The following CCDC171 variants were observed in gnomAD, a reference collection of about 807,000 sequenced individuals.
CCDC171 encodes the protein coiled-coil domain-containing protein 171.
Under a neutral mutation model 168.2 loss-of-function variants are expected in CCDC171, and 177 were observed. That is an observed-to-expected ratio of 1.05 (90% CI 0.93 to 1.19). The LOEUF (loss-of-function observed/expected upper bound fraction) is 1.19, where lower values mean the gene tolerates loss of function less well. Ranked by LOEUF, CCDC171 falls within the 50% of genes most tolerant of loss-of-function variation. The pLI, the probability that CCDC171 is intolerant of heterozygous loss-of-function variation, is 0.00. For missense variants in CCDC171, 1,991 were observed against 1,539.0 expected, an observed-to-expected ratio of 1.29 and a Z score of -4.91; for synonymous variants, 687 against 540.8, an observed-to-expected ratio of 1.27 and a Z score of -3.75.
the CCDC171 span, among the ~76,000 whole-genome samples, chr9:16,102,225 A>T: frequency 6.6e-6 from 1 of 152,014 alleles, no homozygotes; most frequent in Non-Finnish European, 1.5e-5. Flanking sequence ...GGAAATTACG[A>T]TATTGTCTGT....
intron 3 of CCDC171, among the ~76,000 whole-genome samples, chr9:15,982,277 T>G (rs1831822146): frequency 6.6e-6 from 1 of 152,176 alleles, no homozygotes; most frequent in Non-Finnish European, 1.5e-5. Flanking sequence ...TGGCCCAGCG[T>G]AGTGATGTGA....
Position 16,013,589 on chromosome 9 carries a change from C to T in CCDC171, n.369-7000C>T, listed in dbSNP as rs367605187. 3.3e-5 allele frequency among the ~76,000 whole-genome samples: 5 copies of T among 152,172 alleles called. No individual in the cohort carries two copies. The East Asian group carries it at 5.8e-4, about 18-fold the overall frequency. ...ATGCCTACGGGGCAAATTATTTGCC[C>T]TCTCTGACCCGTACCTACCTTTCTC... On this transcript the variant is annotated intron_variant and non_coding_transcript_variant, in intron 3 of 9. Coordinates refer to the CCDC171 transcript ENST00000486641.
intron 22 of CCDC171, among the ~76,000 whole-genome samples, chr9:15,847,972 A>T (rs531205815): frequency 5.9e-5 from 9 of 152,184 alleles, no homozygotes; most frequent in African/African-American, 2.2e-4. Context: ...CATTTTTTAA[A>T]ATATAAGTTT....
chr9:15,734,760 A>G (rs1255703538), intron 16 of CCDC171, among the ~76,000 whole-genome samples: 1 of 152,150 alleles, frequency 6.6e-6, no homozygotes, highest in Non-Finnish European at 1.5e-5. Flanking sequence ...CCAAAAGTGC[A>G]ATGCAAATAA....
chr9:15,914,260 C>T (rs1589111663), intron 24 of CCDC171, among the ~76,000 whole-genome samples: 2 of 152,296 alleles, frequency 1.3e-5, no homozygotes, highest in East Asian at 3.9e-4. Flanking sequence ...CCCCCTTCCC[C>T]CAGGTACTCT....
intron 1 of CCDC171, among the ~76,000 whole-genome samples, chr9:15,557,228 T>C (rs1586934626): frequency 6.6e-6 from 1 of 152,184 alleles, no homozygotes; most frequent in East Asian, 1.9e-4. Flanking sequence ...ATGTGGGCTC[T>C]TTTTTGGTTC....
chr9:15,591,152 A>G (rs1236861745), intron 4 of CCDC171, among the ~76,000 whole-genome samples: 1 of 152,092 alleles, frequency 6.6e-6, no homozygotes, highest in Non-Finnish European at 1.5e-5. Context: ...GGAAGAAGAG[A>G]TCGAAAATTA....
In CCDC171 at chr9:15,640,544, T is replaced by C. The variant is rs370381257; in HGVS notation, c.823-16583T>C. 8.9e-4 allele frequency among the ~76,000 whole-genome samples: 135 copies of C among 152,274 alleles called. 1 individual carries two copies. The highest frequency in any genetic ancestry group is 2.9e-3 in the African/African-American group (122 of 41,582). On this transcript the variant is annotated intron_variant, in intron 7 of 25. Coordinates refer to ENST00000380701, the MANE Select transcript of CCDC171 (RefSeq NM_173550.4). Reference sequence around the variant, plus strand: ...CTTTGAAAACTGTAGCATATTAATATTTAACTCTAGGCATAATCTCCTCAG... The same window carrying C: ...CTTTGAAAACTGTAGCATATTAATACTTAACTCTAGGCATAATCTCCTCAG...
At chr9:16,032,566 G>C (rs1454409883) in intron 6 of CCDC171, among the ~76,000 whole-genome samples, 1 of 152,136 alleles carries the variant, frequency 6.6e-6, no homozygotes, top group African/African-American at 2.4e-5. Flanking sequence ...ACAGCGAAGT[G>C]GGGACCGAGA....
intron 21 of CCDC171, chr9:15,845,628 T>C (rs2130723758): frequency 6.6e-6 from 1 of 152,214 alleles, no homozygotes; most frequent in Non-Finnish European, 1.5e-5. Context: ...TTTTTGTTTA[T>C]TCTTTACTAG....
chr9:15,990,679 C>G (rs1005005171), intron 3 of CCDC171, among the ~76,000 whole-genome samples: 1 of 152,066 alleles, frequency 6.6e-6, no homozygotes, highest in African/African-American at 2.4e-5. Flanking sequence ...TTCAGGACAC[C>G]CATCTTACAT....
At chr9:15,621,218 T>C (rs890209080) in intron 6 of CCDC171, among the ~76,000 whole-genome samples, 5 of 152,324 alleles carry the variant, frequency 3.3e-5, no homozygotes, top group Non-Finnish European at 7.4e-5. Flanking sequence ...CCATCTGCCT[T>C]GGCCTCCCAA....
chr9:16,097,149 A>G, the CCDC171 span, among the ~76,000 whole-genome samples: 1 of 152,218 alleles, frequency 6.6e-6, no homozygotes, highest in Non-Finnish European at 1.5e-5. Flanking sequence ...AGGCTGGCCT[A>G]TCATGCTGAG....
At chr9:15,890,256 G>A (rs1235729205) in intron 24 of CCDC171, among the ~76,000 whole-genome samples, 1 of 152,094 alleles carries the variant, frequency 6.6e-6, no homozygotes, top group Non-Finnish European at 1.5e-5. Context: ...CATAGGAGAG[G>A]CATAGATAAA....
At chr9:16,006,936 G>T (rs1410362342) in intron 3 of CCDC171, among the ~76,000 whole-genome samples, 1 of 152,028 alleles carries the variant, frequency 6.6e-6, no homozygotes, top group African/African-American at 2.4e-5. Flanking sequence ...TAGTCCTTTG[G>T]GTATATACCC....
At chr9:15,944,794 A>G (rs1176338776) in intron 25 of CCDC171, among the ~76,000 whole-genome samples, 1 of 151,648 alleles carries the variant, frequency 6.6e-6, no homozygotes, top group Non-Finnish European at 1.5e-5. Flanking sequence ...CCTTTATTCT[A>G]GGCAGAGCAT....
chr9:15,631,348 C>T (rs865955755), intron 7 of CCDC171, among the ~76,000 whole-genome samples: 54 of 152,038 alleles, frequency 3.6e-4, no homozygotes, highest in East Asian at 3.5e-3. Context: ...ATATCACCAC[C>T]GATCCCACAG....
chr9:15,570,662 G>GTATTTTTCACCTGGTTGCT (rs1334318737), intron 2 of CCDC171, among the ~76,000 whole-genome samples: 7 of 152,220 alleles, frequency 4.6e-5, no homozygotes, highest in Non-Finnish European at 7.4e-5. Context: ...GTATCTTTAG[G>GTATTTTTCACCTGGTTGCT]TATTTTTCAC....
chr9:15,891,250 G>A (rs988204120), intron 24 of CCDC171, among the ~76,000 whole-genome samples: 2 of 152,170 alleles, frequency 1.3e-5, no homozygotes, highest in Non-Finnish European at 1.5e-5. Context: ...CTCTGAGTCA[G>A]TAGCTTAAAT....
Sources: allele counts gnomAD v4.1 joint callset (sites outside exome capture counted in the v4.1 genomes callset), GRCh38; gene constraint gnomAD v4.1.1; transcripts MANE v1.5; gene names NCBI Gene and HGNC (gene_info 2026-07-23, HGNC 2026-07-21).